The following ZC2HC1A variants were observed in gnomAD, a reference collection of about 807,000 sequenced individuals.
ZC2HC1A encodes zinc finger C2HC domain-containing protein 1A.
Under a neutral mutation model 40.7 loss-of-function variants are expected in ZC2HC1A, and 28 were observed. That is an observed-to-expected ratio of 0.69 (90% CI 0.51 to 0.94). The LOEUF (loss-of-function observed/expected upper bound fraction) is 0.94, where lower values mean the gene tolerates loss of function less well. ZC2HC1A is among the 40% of genes least tolerant of loss of function. The probability of loss-of-function intolerance (pLI) is 0.00; values close to 1 mark genes in which losing one functional copy is unlikely to be tolerated. For missense variants in ZC2HC1A, 389 were observed against 386.3 expected (o/e 1.01, Z -0.06); for synonymous variants, 129 against 129.2 (o/e 1.00, Z 0.01).
intron 2 of ZC2HC1A, 69 bp from the exon 3 acceptor site, chr8:78,678,494 A>G (rs1204725674): frequency 2.5e-6 from 3 of 1,212,950 alleles, no homozygotes; most frequent in East Asian, 2.4e-5. Flanking sequence ...GTCTCAATGT[A>G]AATAAAGTTC....
chr8:78,684,483 A>G (rs764789304), intron 3 of ZC2HC1A, among the ~76,000 whole-genome samples: 11 of 152,204 alleles, frequency 7.2e-5, no homozygotes, highest in Non-Finnish European at 1.5e-4. Flanking sequence ...GTACCCCCAT[A>G]ACAGGTGGAG....
At chr8:78,692,016 A>G (rs1457624129) in intron 5 of ZC2HC1A, among the ~76,000 whole-genome samples, 1 of 152,204 alleles carries the variant, frequency 6.6e-6, no homozygotes, top group African/African-American at 2.4e-5. Context: ...TATCACCTCA[A>G]GTACTTACCA....
intron 5 of ZC2HC1A, among the ~76,000 whole-genome samples, chr8:78,693,973 C>T (rs923133491): frequency 2.0e-5 from 3 of 152,124 alleles, no homozygotes; most frequent in Non-Finnish European, 4.4e-5. Context: ...TTCCCAGCAC[C>T]ATTTATTAAA....
intron 1 of ZC2HC1A, among the ~76,000 whole-genome samples, chr8:78,669,633 T>C (rs1809386129): frequency 6.6e-6 from 1 of 152,138 alleles, no homozygotes; most frequent in Admixed American, 6.6e-5. Context: ...AATTAGTAAA[T>C]AGTAATCCGT....
intron 5 of ZC2HC1A, among the ~76,000 whole-genome samples, chr8:78,693,443 A>G (rs963818038): frequency 1.1e-4 from 16 of 152,132 alleles, no homozygotes; most frequent in Non-Finnish European, 1.6e-4. Flanking sequence ...GTGAGATGGT[A>G]TCTCATTGTG....
At chr8:78,687,080 A>G (rs1810005511) in intron 4 of ZC2HC1A, among the ~76,000 whole-genome samples, 2 of 152,096 alleles carry the variant, frequency 1.3e-5, no homozygotes, top group African/African-American at 4.8e-5. Context: ...GTATATTGTT[A>G]AATTTTTTCT....
chr8:78,678,527 A>G (rs767669289), intron 2 of ZC2HC1A, 36 bp from the exon 3 acceptor site: 15 of 1,543,460 alleles, frequency 9.7e-6, no homozygotes, highest in Middle Eastern at 1.7e-4. Context: ...TTCTGTAGAA[A>G]AGAAAATGAT....
intron 7 of ZC2HC1A, among the ~76,000 whole-genome samples, chr8:78,699,407 A>G (rs995216385): frequency 6.6e-6 from 1 of 152,164 alleles, no homozygotes; most frequent in African/African-American, 2.4e-5. Context: ...GTGTATGTCT[A>G]TATCTTTACA....
In ZC2HC1A at chr8:78,717,668, A is replaced by T; in HGVS notation, c.*175A>T. ...AATGTGTGTATGTTTATATGTGTAC[A>T]TATACTGTATATAATAAATATCTGA... is the stretch of plus-strand genomic sequence containing the variant. On this transcript the variant is annotated 3_prime_UTR_variant, in exon 9 of 9. Coordinates refer to ENST00000263849, the MANE Select transcript of ZC2HC1A (RefSeq NM_016010.3). 2.1e-6 allele frequency: 1 copy of T among 474,096 alleles called. No homozygotes were observed. Among genetic ancestry groups the T allele is most frequent in the Non-Finnish European group, 3.5e-6 (1 of 282,338 alleles). 29.4% of individuals were successfully genotyped at this position (474,096 alleles called of 1,614,324 possible).
chr8:78,698,786 T>C (rs1476240726), intron 7 of ZC2HC1A, among the ~76,000 whole-genome samples: 1 of 152,182 alleles, frequency 6.6e-6, no homozygotes, highest in East Asian at 1.9e-4. Context: ...TAATTTGAAA[T>C]GTTGACGATT....
chr8:78,685,468 A>G (rs532448491), intron 3 of ZC2HC1A, among the ~76,000 whole-genome samples: 2 of 152,212 alleles, frequency 1.3e-5, no homozygotes, highest in African/African-American at 4.8e-5. Flanking sequence ...TAATTAAAAC[A>G]TAATTATGCA....
chr8:78,711,089 A>G (rs1361140170), intron 7 of ZC2HC1A, among the ~76,000 whole-genome samples: 1 of 152,140 alleles, frequency 6.6e-6, no homozygotes, highest in Admixed American at 6.5e-5. Context: ...CTCAGGGTTT[A>G]TAGTCAGTGA....
At chr8:78,680,229 G>GA (rs1224388131) in intron 3 of ZC2HC1A, among the ~76,000 whole-genome samples, 2 of 120,252 alleles carry the variant, frequency 1.7e-5, no homozygotes, top group Admixed American at 1.0e-4. Flanking sequence ...TTGAATTCTA[G>GA]AAAAAAGCAA....
At chr8:78,699,468 T>C (rs895391316) in intron 7 of ZC2HC1A, among the ~76,000 whole-genome samples, 2 of 152,160 alleles carry the variant, frequency 1.3e-5, no homozygotes, top group Non-Finnish European at 2.9e-5. Context: ...TTTTCTTTTT[T>C]TAATTTTAAC....
intron 7 of ZC2HC1A, among the ~76,000 whole-genome samples, chr8:78,704,132 A>G (rs1281170934): frequency 1.3e-5 from 2 of 152,146 alleles, no homozygotes; most frequent in African/African-American, 4.8e-5. Context: ...CTGTAATCCC[A>G]GCACTTTGGG....
chr8:78,675,199 A>C (rs1320604581), intron 1 of ZC2HC1A, among the ~76,000 whole-genome samples: 1 of 151,712 alleles, frequency 6.6e-6, no homozygotes, highest in Non-Finnish European at 1.5e-5. Context: ...TAAGGTCAGA[A>C]TATCTCCATT....
intron 7 of ZC2HC1A, among the ~76,000 whole-genome samples, chr8:78,713,172 T>C (rs1308416614): frequency 2.6e-5 from 4 of 152,148 alleles, no homozygotes; most frequent in Admixed American, 6.6e-5. Context: ...AGATTCTAGA[T>C]ACAGAGTAAG....
chr8:78,685,250 TA>T (rs1809930258), intron 3 of ZC2HC1A, among the ~76,000 whole-genome samples: 1 of 77,174 alleles, frequency 1.3e-5, no homozygotes, highest in South Asian at 5.3e-4. Context: ...GACAACTGCA[TA>T]GCCATGTTAA....
At chr8:78,666,268 G>GA in intron 1 of ZC2HC1A, 104 bp downstream of exon 1, 1 of 1,517,500 alleles carries the variant, frequency 6.6e-7, no homozygotes, top group Non-Finnish European at 8.9e-7. Context: ...TCGGTGCGGC[G>GA]GACCTCGCCG....
Sources: allele counts gnomAD v4.1 joint callset (sites outside exome capture counted in the v4.1 genomes callset), GRCh38; gene constraint gnomAD v4.1.1; transcripts MANE v1.5; gene names NCBI Gene and HGNC (gene_info 2026-07-23, HGNC 2026-07-21).